Variants in WNK1 observed in about 807,000 individuals in gnomAD.
WNK1 encodes the protein WNK lysine deficient protein kinase 1, also known as serine/threonine-protein kinase WNK1.
Under a neutral mutation model 222.8 loss-of-function variants are expected in WNK1, and 38 were observed. The ratio of observed to expected loss-of-function variants is 0.17; its 90% CI spans 0.13 to 0.22. The LOEUF (loss-of-function observed/expected upper bound fraction) is 0.22, where lower values mean the gene tolerates loss of function less well. WNK1 is among the 10% of genes least tolerant of loss of function. The pLI is 1.00. For synonymous variants in WNK1, 1,090 were observed against 1,092.9 expected, an observed-to-expected ratio of 1.00 and a Z score of 0.05; for missense variants, 2,348 against 2,918.4, an observed-to-expected ratio of 0.80 and a Z score of 4.50.
chr12:778,009 T>A (rs1211975167), intron 1 of WNK1, among the ~76,000 whole-genome samples: 1 of 152,250 alleles, frequency 6.6e-6, no homozygotes, highest in African/African-American at 2.4e-5. Context: ...TTTAGTGCTC[T>A]AGCTATCAAA....
At chr12:783,221 C>T (rs936635642) in intron 1 of WNK1, among the ~76,000 whole-genome samples, 3 of 152,088 alleles carry the variant, frequency 2.0e-5, no homozygotes, top group Non-Finnish European at 4.4e-5. Context: ...GCCTAAATAT[C>T]TTTCAGCATA....
chr12:760,595 T>C lies in WNK1; in HGVS notation c.759+6271T>C, dbSNP rs1455431219. ...ATTGTCACCTATTACAAATGGAATA[T>C]ATTAAACTTAGTTGGATTTTAGGAG... On this transcript the variant is annotated intron_variant, in intron 1 of 27. Coordinates refer to ENST00000315939, the MANE Select transcript of WNK1 (RefSeq NM_018979.4). Among the ~76,000 whole-genome samples the C allele has an allele frequency of 5.4e-5, 8 of 147,872 alleles. 2 individuals carry two copies. Among genetic ancestry groups the C allele is most frequent in the Non-Finnish European group, 1.1e-4 (7 of 66,190 alleles).
rs1951794344 is a variant in WNK1 at position 867,729 on chromosome 12, A to G, written c.2140-3536A>G. The G allele has an allele frequency of 4.1e-6, 4 of 975,518 alleles. No homozygotes were observed. In the East Asian group the frequency reaches 7.9e-5, roughly 19 times the overall value. The allele number at this position is 975,518 out of a possible 1,614,324, so 60.4% of individuals were successfully genotyped here. A position where few individuals can be genotyped will look rare whatever the true frequency, so the allele number is the denominator to read the frequency against. ...TTTTACTATGCACATAATTTCCAGA[A>G]GCATTGTTATTTATTTATTAATTAT... On this transcript the variant is annotated intron_variant, in intron 8 of 27. Transcript: ENST00000315939.
At chr12:871,154 C>G in intron 8 of WNK1, 111 bp from the exon 9 acceptor site, 3 of 1,039,936 alleles carry the variant, frequency 2.9e-6, no homozygotes, top group South Asian at 2.7e-5. Flanking sequence ...GTTAATGTTT[C>G]ATTTTGATCA....
chr12:832,328 G>A (rs1392007886), intron 4 of WNK1, among the ~76,000 whole-genome samples: 1 of 152,090 alleles, frequency 6.6e-6, no homozygotes, highest in Non-Finnish European at 1.5e-5. Context: ...GCCCACCTCT[G>A]CCTCCCAAAG....
intron 25 of WNK1, among the ~76,000 whole-genome samples, chr12:899,444 C>G (rs1955035820): frequency 6.6e-6 from 1 of 152,004 alleles, no homozygotes; most frequent in Non-Finnish European, 1.5e-5. Context: ...TATAAGAACA[C>G]CTGGCTAATT....
chr12:841,158 G>T (rs1949597048), intron 4 of WNK1, among the ~76,000 whole-genome samples: 1 of 152,036 alleles, frequency 6.6e-6, no homozygotes, highest in African/African-American at 2.4e-5. Context: ...CTGTTCACTG[G>T]TTTTTAGTAT....
rs367963161 is a variant in WNK1, at chr12:762,993, G to A, written c.759+8669G>A. ...ACTCCCGACCTCAGGCGATCCGCCAGCCTCGGCCTCCCAAAGTGCTGGAAT... is the reference window on the plus strand; with the variant it reads ...ACTCCCGACCTCAGGCGATCCGCCAACCTCGGCCTCCCAAAGTGCTGGAAT... On this transcript the variant is annotated intron_variant, in intron 1 of 27. Transcript: ENST00000315939. Among the ~76,000 whole-genome samples the A allele has an allele frequency of 5.6e-4, 82 of 146,664 alleles. 5 individuals carry two copies. In the East Asian group the frequency reaches 0.012, roughly 21 times the overall value.
In WNK1 at chr12:804,435, C is replaced by G. The variant is rs1385255998; in HGVS notation, c.760-9207C>G. 2.8e-5 allele frequency among the ~76,000 whole-genome samples: 4 copies of G among 145,152 alleles called. No individual in the cohort carries two copies. The East Asian group carries it at 5.9e-4, about 21-fold the overall frequency. On this transcript the variant is annotated intron_variant, in intron 1 of 27. Transcript: ENST00000315939. ...CTGAAAGTTTTTTTTTTTTTTGGCG[C>G]GATCTCAGCTCACTGCAACCTATGC...
chr12:868,745 C>CA lies in WNK1; in HGVS notation c.2140-2518dup, dbSNP rs137852735. The CA allele has an allele frequency of 5.0e-5, 80 of 1,613,874 alleles. No individual in the cohort carries two copies. The highest frequency in any genetic ancestry group is 6.5e-5 in the Non-Finnish European group (77 of 1,179,910). ...CTTGAATCAAGAAGAACTGCCTCCTCAATCAGTTGGATTACATGGCTACTT... is the reference window on the plus strand; with the variant it reads ...CTTGAATCAAGAAGAACTGCCTCCTCAAATCAGTTGGATTACATGGCTACTT... On this transcript the variant is annotated intron_variant, in intron 8 of 27. Transcript: ENST00000315939.
intron 1 of WNK1, chr12:781,311 A>G (rs1195247124): frequency 6.5e-6 from 1 of 152,876 alleles, no homozygotes; most frequent in East Asian, 1.9e-4. Flanking sequence ...CCCATCTTTG[A>G]AAAACATTTT....
chr12:830,816 A>G (rs1035468445), intron 4 of WNK1, among the ~76,000 whole-genome samples: 8 of 152,254 alleles, frequency 5.3e-5, no homozygotes, highest in South Asian at 4.1e-4. Flanking sequence ...TCATTTCTGC[A>G]TCATCCAATA....
Position 753,415 on chromosome 12 carries a change from C to A in WNK1, c.-151C>A. 1 of 1,009,950 alleles carries A rather than the reference C, an allele frequency of 9.9e-7. No homozygotes were observed. The highest frequency in any genetic ancestry group is 1.6e-5 in the South Asian group (1 of 63,684). The allele number at this position is 1,009,950 out of a possible 1,614,324, so 62.6% of individuals were successfully genotyped here. Reference sequence around the variant, plus strand: ...CCAGCGGTCCGCCTGTCCCTCGTTGCGGCTTGTCGGTGCTGAGTGAGGCGT... The same window carrying A: ...CCAGCGGTCCGCCTGTCCCTCGTTGAGGCTTGTCGGTGCTGAGTGAGGCGT... On this transcript the variant is annotated 5_prime_UTR_variant, in exon 1 of 28. Transcript: ENST00000315939. This position sits in a 1 kb window ranked among gnomAD's most constrained non-coding sequence, Gnocchi z 5.2.
intron 9 of WNK1, among the ~76,000 whole-genome samples, chr12:875,660 T>C (rs1020096175): frequency 6.6e-6 from 1 of 152,194 alleles, no homozygotes; most frequent in Admixed American, 6.5e-5. Context: ...TTTAATGTTA[T>C]GTAAATAGGT....
chr12:872,961 T>C (rs780710230), intron 9 of WNK1, among the ~76,000 whole-genome samples: 1 of 152,264 alleles, frequency 6.6e-6, no homozygotes, highest in Middle Eastern at 3.2e-3. Flanking sequence ...TTATATGCTT[T>C]GTTTTGCACC....
chr12:890,231 G>A (rs1044137945), intron 21 of WNK1, among the ~76,000 whole-genome samples: 7 of 151,840 alleles, frequency 4.6e-5, no homozygotes, highest in Non-Finnish European at 8.8e-5. Context: ...GGGATTACAG[G>A]TGTGAGCCAC....
At position 779,410 on chromosome 12, in the gene WNK1, C is replaced by CCT. The variant is rs1565417391; in HGVS notation, c.759+25086_759+25087insCT. Among the ~76,000 whole-genome samples the CCT allele has an allele frequency of 4.2e-4, 45 of 106,034 alleles. 1 individual carries two copies. Among genetic ancestry groups the CCT allele is most frequent in the African/African-American group, 1.4e-3 (41 of 28,572 alleles). 69.6% of individuals were successfully genotyped at this position (106,034 alleles called of 152,430 possible). A position where few individuals can be genotyped will look rare whatever the true frequency, so the allele number is the denominator to read the frequency against. Reference sequence around the variant, plus strand: ...CTTTTCTTTTCTGTTTTTTTTTTTTCTTTTTTTTTTTTGAGACATAGTTTC... The same window carrying CCT: ...CTTTTCTTTTCTGTTTTTTTTTTTTCCTTTTTTTTTTTTTGAGACATAGTTTC... On this transcript the variant is annotated intron_variant, in intron 1 of 27. Coordinates refer to ENST00000315939, the MANE Select transcript of WNK1 (RefSeq NM_018979.4).
chr12:757,394 G>C (rs1940271892), intron 1 of WNK1, among the ~76,000 whole-genome samples: 1 of 129,972 alleles, frequency 7.7e-6, no homozygotes, highest in African/African-American at 2.9e-5. Flanking sequence ...GGCGCAATCT[G>C]AGCTCACTGC....
intron 1 of WNK1, among the ~76,000 whole-genome samples, chr12:768,258 C>T (rs1468723820): frequency 6.6e-6 from 1 of 152,152 alleles, no homozygotes; most frequent in Non-Finnish European, 1.5e-5. Context: ...TCCTCAACCT[C>T]CCAAGTAGCT....
Sources: allele counts gnomAD v4.1 joint callset (sites outside exome capture counted in the v4.1 genomes callset), GRCh38; gene constraint gnomAD v4.1.1; non-coding constraint Gnocchi (gnomAD v3.1); transcripts MANE v1.5; gene names NCBI Gene and HGNC (gene_info 2026-07-23, HGNC 2026-07-21).